Variants in PRMT8 observed in about 807,000 individuals in gnomAD.
The protein encoded by PRMT8 is protein arginine N-methyltransferase 8.
In PRMT8, 7 loss-of-function variants were observed where a neutral mutation model predicts 47.1. The ratio of observed to expected loss-of-function variants is 0.15; its 90% CI spans 0.08 to 0.28. PRMT8 has a LOEUF of 0.28. PRMT8 is among the 10% of genes least tolerant of loss of function. The pLI is 1.00. For synonymous variants in PRMT8, 188 were observed against 186.5 expected (o/e 1.01, Z -0.07); for missense variants, 237 against 505.4 (o/e 0.47, Z 5.09).
chr12:3,516,446 G>C (rs1020229928), intron 1 of PRMT8, among the ~76,000 whole-genome samples: 5 of 152,230 alleles, frequency 3.3e-5, no homozygotes, highest in Non-Finnish European at 7.3e-5. Flanking sequence ...AGAGGAGCCT[G>C]ATGCTGCCAG....
intron 1 of PRMT8, among the ~76,000 whole-genome samples, chr12:3,520,079 A>G (rs1341675959): frequency 1.3e-5 from 2 of 152,186 alleles, no homozygotes; most frequent in East Asian, 1.9e-4. Context: ...AAAGTTTCCC[A>G]GAGCCAGGCT....
intron 1 of PRMT8, among the ~76,000 whole-genome samples, chr12:3,390,427 G>A (rs143450999): frequency 1.4e-4 from 21 of 152,206 alleles, no homozygotes; most frequent in Non-Finnish European, 2.4e-4. Flanking sequence ...CATACAGCAT[G>A]GCTTTGGGCT....
chr12:3,530,002 G>A (rs908522761), intron 1 of PRMT8, among the ~76,000 whole-genome samples: 1 of 152,146 alleles, frequency 6.6e-6, no homozygotes, highest in Admixed American at 6.5e-5. Flanking sequence ...TGGAATTATG[G>A]ATGCTTAATA....
At position 3,432,114 on chromosome 12, in the gene PRMT8, C is replaced by T. The variant is rs537395772; in HGVS notation, c.48+50672C>T. 4.6e-5 allele frequency among the ~76,000 whole-genome samples: 7 copies of T among 152,216 alleles called. 1 individual carries two copies. The highest frequency in any genetic ancestry group is 1.9e-4 in the East Asian group (1 of 5,168). On this transcript the variant is annotated intron_variant, in intron 1 of 9. Transcript: ENST00000452611. ...GTGGGATCCCTTCTCAGAGAAGGCC[C>T]GAGTTGAAGTGGAAGACCCAGATCA...
chr12:3,395,752 A>G (rs1227023123), intron 1 of PRMT8, among the ~76,000 whole-genome samples: 2 of 149,906 alleles, frequency 1.3e-5, no homozygotes, highest in Non-Finnish European at 3.0e-5. Flanking sequence ...GCTGAGTTCA[A>G]TTCCTGGGTA....
At position 3,538,720 on chromosome 12, in the gene PRMT8, C is replaced by T; in HGVS notation, c.76-1886C>T. On this transcript the variant is annotated intron_variant, in intron 1 of 9. Transcript: ENST00000382622. The surrounding 1 kb of genome is among the most constrained non-coding windows in gnomAD (Gnocchi z 4.6). The stretch of plus-strand genomic sequence containing the variant: ...TTCAGCTTTAGAGGTGATTCTGCAG[C>T]CTGCACAGGAGTGTGCACTTGACAC... The T allele has an allele frequency of 1.9e-6, 1 of 519,016 alleles. No individual in the cohort carries two copies. Among genetic ancestry groups the T allele is most frequent in the South Asian group, 1.4e-5 (1 of 71,590 alleles). The allele number at this position is 519,016 out of a possible 1,614,324, so 32.2% of individuals were successfully genotyped here. A position where few individuals can be genotyped will look rare whatever the true frequency, so the allele number is the denominator to read the frequency against.
intron 1 of PRMT8, among the ~76,000 whole-genome samples, chr12:3,494,931 C>T (rs1037317099): frequency 6.6e-6 from 1 of 152,200 alleles, no homozygotes; most frequent in Non-Finnish European, 1.5e-5. Context: ...ATGGCAAACA[C>T]GCAATAGTGT....
intron 1 of PRMT8, among the ~76,000 whole-genome samples, chr12:3,495,392 C>T (rs535917133): frequency 6.6e-6 from 1 of 152,328 alleles, no homozygotes; most frequent in East Asian, 1.9e-4. Context: ...AGACCTCCGA[C>T]TGCATATGTG....
intron 1 of PRMT8, among the ~76,000 whole-genome samples, chr12:3,528,130 G>GT (rs1865974154): frequency 6.6e-6 from 1 of 151,932 alleles, no homozygotes; most frequent in Admixed American, 6.5e-5. Flanking sequence ...CCTTGGTATA[G>GT]TTTTTTTACT....
At chr12:3,543,653 T>C (rs1311464385) in intron 2 of PRMT8, among the ~76,000 whole-genome samples, 1 of 152,188 alleles carries the variant, frequency 6.6e-6, no homozygotes, top group Non-Finnish European at 1.5e-5. Context: ...CTATTGGGGC[T>C]GGAGAGCACA....
At chr12:3,591,380 T>C (rs2137239552) in intron 8 of PRMT8, among the ~76,000 whole-genome samples, 1 of 150,206 alleles carries the variant, frequency 6.7e-6, no homozygotes, top group Non-Finnish European at 1.5e-5. Flanking sequence ...TAGTTCCCCG[T>C]GCACAGAGAA....
chr12:3,543,943 G>A (rs1163758609), intron 2 of PRMT8, among the ~76,000 whole-genome samples: 1 of 152,194 alleles, frequency 6.6e-6, no homozygotes, highest in Non-Finnish European at 1.5e-5. Context: ...TGGTGCCTCA[G>A]CCACGAGAAG....
At chr12:3,592,860 G>C (rs766342390) in intron 9 of PRMT8, among the ~76,000 whole-genome samples, 25 of 152,232 alleles carry the variant, frequency 1.6e-4, no homozygotes, top group Non-Finnish European at 2.9e-4. Flanking sequence ...GACGAACTCG[G>C]AACGTTTTGT....
At chr12:3,592,028 C>A (rs1220288358) in intron 8 of PRMT8, among the ~76,000 whole-genome samples, 1 of 152,044 alleles carries the variant, frequency 6.6e-6, no homozygotes, top group African/African-American at 2.4e-5. Flanking sequence ...GGAGAGGCCA[C>A]TGGGACTGAG....
In PRMT8 at chr12:3,466,176, G is replaced by C. The variant is rs539691069; in HGVS notation, c.49-74430G>C. 1.6e-4 allele frequency among the ~76,000 whole-genome samples: 25 copies of C among 152,348 alleles called. No individual in the cohort carries two copies. The South Asian group carries it at 4.8e-3, about 29-fold the overall frequency. ...TGCCACTAATTTGCTGTGTGAGCTT[G>C]AATAAGTCACATTTCTTTTCCAGGA... On this transcript the variant is annotated intron_variant, in intron 1 of 9. Coordinates refer to the PRMT8 transcript ENST00000452611.
Position 3,409,850 on chromosome 12 carries a change from C to G in PRMT8, c.48+28408C>G, listed in dbSNP as rs1245963669. Among the ~76,000 whole-genome samples the G allele has an allele frequency of 6.6e-6, 1 of 152,124 alleles. No homozygotes were observed. Among genetic ancestry groups the G allele is most frequent in the Non-Finnish European group, 1.5e-5 (1 of 68,018 alleles). Reference sequence around the variant, plus strand: ...CCACAGTGCCTCATCAGCTTCAGCACCAGGGGGTGTGATTGTTCTGGGTAG... The same window carrying G: ...CCACAGTGCCTCATCAGCTTCAGCAGCAGGGGGTGTGATTGTTCTGGGTAG... On this transcript the variant is annotated intron_variant, in intron 1 of 9. Transcript: ENST00000452611. This position sits in a 1 kb window ranked among gnomAD's most constrained non-coding sequence, Gnocchi z 4.4.
chr12:3,388,306 G>A (rs1864160948), intron 1 of PRMT8, among the ~76,000 whole-genome samples: 1 of 152,126 alleles, frequency 6.6e-6, no homozygotes, highest in Non-Finnish European at 1.5e-5. Context: ...GTTAAATATT[G>A]TTAGTAAGAA....
At position 3,409,431 on chromosome 12, in the gene PRMT8, C is replaced by G. The variant is rs1864404433; in HGVS notation, c.48+27989C>G. Among the ~76,000 whole-genome samples the G allele has an allele frequency of 6.6e-6, 1 of 152,112 alleles. No individual in the cohort carries two copies. Among genetic ancestry groups the G allele is most frequent in the Non-Finnish European group, 1.5e-5 (1 of 68,020 alleles). ...CTAGACCTTGGGATGGTGGGACATG[C>G]CAGTATCTGAGGCTCGGCAAGATAG... On this transcript the variant is annotated intron_variant, in intron 1 of 9. Coordinates refer to the PRMT8 transcript ENST00000452611. This position sits in a 1 kb window ranked among gnomAD's most constrained non-coding sequence, Gnocchi z 4.4.
upstream of PRMT8, among the ~76,000 whole-genome samples, chr12:3,487,744 G>A (rs1865335893): frequency 1.3e-5 from 2 of 152,208 alleles, no homozygotes; most frequent in Non-Finnish European, 2.9e-5. Flanking sequence ...TCAAGAACCT[G>A]TGAGTTAGAG....
Sources: gnomAD v4.1 joint callset for allele counts (sites outside exome capture counted in the v4.1 genomes callset) on GRCh38, gnomAD v4.1.1 for gene constraint, Gnocchi (gnomAD v3.1) non-coding constraint, MANE v1.5 for transcripts, NCBI Gene and HGNC (gene_info 2026-07-23, HGNC 2026-07-21) for gene names.